The following PARD3 variants were observed in gnomAD, a reference collection of about 807,000 sequenced individuals.
PARD3 encodes partitioning defective 3 homolog.
PARD3 carries 75 observed loss-of-function variants against 155.4 expected under a neutral mutation model. That is an observed-to-expected ratio of 0.48 (90% CI 0.40 to 0.58). The LOEUF (loss-of-function observed/expected upper bound fraction) is 0.58, where lower values mean the gene tolerates loss of function less well. Ranked by LOEUF, PARD3 falls within the 20% of genes least tolerant of loss-of-function variation. The probability of loss-of-function intolerance (pLI) is 0.00; values close to 1 mark genes in which losing one functional copy is unlikely to be tolerated. For synonymous variants in PARD3, 576 were observed against 610.5 expected (o/e 0.94, Z 0.83); for missense variants, 1,642 against 1,721.7 (o/e 0.95, Z 0.82).
intron 19 of PARD3, among the ~76,000 whole-genome samples, chr10:34,326,783 G>A (rs1835076366): frequency 6.6e-6 from 1 of 152,142 alleles, no homozygotes; most frequent in Non-Finnish European, 1.5e-5. Context: ...GTATTCTGGA[G>A]CAGTGCTTTT....
chr10:34,683,916 T>C (rs2496737), intron 2 of PARD3, among the ~76,000 whole-genome samples: 113,883 of 152,192 alleles, frequency 0.75, 44,087 homozygotes, highest in African/African-American at 0.94. Context: ...GGAAGTCATC[T>C]TTCTGAATTA....
At chr10:34,662,302 G>C (rs997081152) in intron 2 of PARD3, among the ~76,000 whole-genome samples, 1 of 152,124 alleles carries the variant, frequency 6.6e-6, no homozygotes, top group Non-Finnish European at 1.5e-5. Flanking sequence ...ATACACTGTT[G>C]GTAGGAATGT....
chr10:34,481,644 G>T (rs1316497046), intron 3 of PARD3, among the ~76,000 whole-genome samples: 1 of 152,040 alleles, frequency 6.6e-6, no homozygotes, highest in Admixed American at 6.6e-5. Context: ...ATATATTTTG[G>T]TGTCCTTATT....
intron 1 of PARD3, among the ~76,000 whole-genome samples, chr10:34,716,757 T>TA (rs1468561353): frequency 1.3e-5 from 2 of 151,946 alleles, no homozygotes; most frequent in Admixed American, 6.6e-5. Flanking sequence ...CACCCCCGGC[T>TA]AATTTTGTAT....
chr10:34,162,729 C>G (rs575581236), intron 22 of PARD3, among the ~76,000 whole-genome samples: 25 of 152,246 alleles, frequency 1.6e-4, no homozygotes, highest in Non-Finnish European at 3.2e-4. Flanking sequence ...ATTTTGTGAA[C>G]TAAATGGAAA....
chr10:34,403,478 T>G (rs566783792), intron 5 of PARD3, among the ~76,000 whole-genome samples: 18 of 152,174 alleles, frequency 1.2e-4, no homozygotes, highest in Non-Finnish European at 2.2e-4. Context: ...AAACAATATA[T>G]TAAATCATTG....
intron 2 of PARD3, among the ~76,000 whole-genome samples, chr10:34,532,276 C>G (rs1408232653): frequency 6.6e-6 from 1 of 152,072 alleles, no homozygotes; most frequent in Non-Finnish European, 1.5e-5. Context: ...CATAGTTCAT[C>G]TAAAATTTTT....
chr10:34,504,943 A>G (rs1589808326), intron 3 of PARD3, among the ~76,000 whole-genome samples: 2 of 152,362 alleles, frequency 1.3e-5, no homozygotes, highest in African/African-American at 2.4e-5. Context: ...CCAGGCTTTC[A>G]TGCTGACAAA....
In PARD3 at chr10:34,775,134, C is replaced by G. The variant is rs1471429809; in HGVS notation, c.120+39742G>C. 4.6e-5 allele frequency among the ~76,000 whole-genome samples: 7 copies of G among 152,258 alleles called. No individual in the cohort carries two copies. The East Asian group carries it at 1.3e-3, about 29-fold the overall frequency. The stretch of plus-strand genomic sequence containing the variant: ...ACACAACATAGAAGCAGCATAGAAC[C>G]CAATATTTCAAGCTCATATGACAGA... On this transcript the variant is annotated intron_variant, in intron 1 of 24. Transcript: ENST00000374788.
chr10:34,230,712 C>A (rs1445615247), intron 22 of PARD3, among the ~76,000 whole-genome samples: 3 of 152,156 alleles, frequency 2.0e-5, no homozygotes, highest in South Asian at 4.2e-4. Flanking sequence ...GGAAATTGTA[C>A]AACTGGCAAC....
rs12254667 is a variant in PARD3, at chr10:34,545,334, G to A, written c.223-28175C>T. Reference sequence around the variant, plus strand: ...GTTAAGAACTTAACAGATAACCTGGGAGTAGAGTTTTCAAAGTAACATCTC... The same window carrying A: ...GTTAAGAACTTAACAGATAACCTGGAAGTAGAGTTTTCAAAGTAACATCTC... On this transcript the variant is annotated intron_variant, in intron 2 of 24. Coordinates refer to ENST00000374788, the MANE Select transcript of PARD3 (RefSeq NM_001184785.2). Among the ~76,000 whole-genome samples the A allele has an allele frequency of 9.0e-3, 1,377 of 152,208 alleles. 12 individuals are homozygous for A. Among genetic ancestry groups the A allele is most frequent in the African/African-American group, 0.032 (1,312 of 41,518 alleles).
At chr10:34,539,310 T>G (rs961285491) in intron 2 of PARD3, among the ~76,000 whole-genome samples, 1 of 152,166 alleles carries the variant, frequency 6.6e-6, no homozygotes, top group Non-Finnish European at 1.5e-5. Flanking sequence ...TATTACCACC[T>G]TCATCATTTA....
chr10:34,393,860 C>CA lies in PARD3; in HGVS notation c.890+5469dup, dbSNP rs1339986014. 2.0e-4 allele frequency among the ~76,000 whole-genome samples: 27 copies of CA among 131,816 alleles called. No homozygotes were observed. The East Asian group carries it at 5.8e-3, about 28-fold the overall frequency. The allele number at this position is 131,816 out of a possible 152,430, so 86.5% of individuals were successfully genotyped here. A position where few individuals can be genotyped will look rare whatever the true frequency, so the allele number is the denominator to read the frequency against. ...AATTTTTTTTTTTTTTTTTTTGAGA[C>CA]AGAGTCTTGCTCTGTCACCTGGGCT... is the stretch of plus-strand genomic sequence containing the variant. On this transcript the variant is annotated intron_variant, in intron 7 of 24. Transcript: ENST00000374788.
At chr10:34,595,925 G>C (rs565064726) in intron 2 of PARD3, among the ~76,000 whole-genome samples, 2 of 152,080 alleles carry the variant, frequency 1.3e-5, no homozygotes, top group East Asian at 3.9e-4. Context: ...CTAGGAGTTC[G>C]AGACCAGCCT....
At chr10:34,687,967 C>T (rs962327093) in intron 2 of PARD3, among the ~76,000 whole-genome samples, 3 of 149,274 alleles carry the variant, frequency 2.0e-5, no homozygotes, top group Non-Finnish European at 3.0e-5. Flanking sequence ...GCGATCCTCC[C>T]ACCTCAGCCT....
chr10:34,269,661 C>G lies in PARD3; in HGVS notation c.3415G>C (p.Asp1139His), dbSNP rs1228130633. 5.6e-6 allele frequency: 9 copies of G among 1,613,966 alleles called. 1 individual carries two copies. In the South Asian group the frequency reaches 7.7e-5, roughly 14 times the overall value. ...ACGATTGCCCCTGGCGCCTACCTGTCTACAGGTGAGGGTTTGGAATTCCGC... is the reference window on the plus strand; with the variant it reads ...ACGATTGCCCCTGGCGCCTACCTGTGTACAGGTGAGGGTTTGGAATTCCGC... ...KPRNSKPSPV[D>H]SNRSTPSNHD... is the part of the protein sequence containing the mutation. Residue 1139 changes from aspartate to histidine, a missense_variant, in exon 22 of 25, where the codon GAC (aspartate) becomes CAC (histidine). Around this residue, in one of 3 missense-constraint regions of PARD3, gnomAD observed 1,529 missense variants for 1,587.3 expected, o/e 0.96. Transcript: ENST00000374788.
chr10:34,804,015 G>A (rs1843084748), intron 1 of PARD3, among the ~76,000 whole-genome samples: 1 of 148,788 alleles, frequency 6.7e-6, no homozygotes, highest in Non-Finnish European at 1.5e-5. Context: ...TGCACTTAGG[G>A]ATCTACTTGA....
At position 34,284,240 on chromosome 10, in the gene PARD3, C is replaced by T. The variant is rs761707121; in HGVS notation, c.3071G>A (p.Gly1024Asp). 11 of 1,593,674 alleles carry T rather than the reference C, an allele frequency of 6.9e-6. No individual in the cohort carries two copies. The highest frequency in any genetic ancestry group is 2.2e-5 in the East Asian group (1 of 44,548). ...AATCTTGTCATCTTTTCGATGTTTG[C>T]CAAACCTGTTAATAACAAAAAATTC... ...LKGLGDMFRF[G>D]KHRKDDKIEK... is the part of the protein sequence containing the mutation. Residue 1024 changes from glycine to aspartate, a missense_variant, in exon 21 of 25, where the codon GGC becomes GAC. Gly to Asp is a moderately conservative substitution (Grantham distance 94). Coordinates refer to ENST00000374788, the MANE Select transcript of PARD3 (RefSeq NM_001184785.2).
chr10:34,552,962 T>C (rs368351068), intron 2 of PARD3, among the ~76,000 whole-genome samples: 1 of 152,206 alleles, frequency 6.6e-6, no homozygotes, highest in Non-Finnish European at 1.5e-5. Context: ...CAATGCCAAC[T>C]TGAAGTGACT....
Sources: allele counts gnomAD v4.1 joint callset (sites outside exome capture counted in the v4.1 genomes callset), GRCh38; gene constraint gnomAD v4.1.1; regional missense constraint gnomAD v4.1.1; transcripts MANE v1.5; gene names NCBI Gene and HGNC (gene_info 2026-07-23, HGNC 2026-07-21).